CYP20A1: variants seen among roughly 807,000 people sequenced by gnomAD.
CYP20A1 encodes cytochrome P450 20A1.
CYP20A1 carries 61 observed loss-of-function variants against 61.4 expected under a neutral mutation model. That is an observed-to-expected ratio of 0.99 (90% CI 0.81 to 1.23). The LOEUF (loss-of-function observed/expected upper bound fraction) is 1.23. Among genes scored for constraint, CYP20A1 ranks in the 50% most tolerant of loss-of-function variants. The probability of loss-of-function intolerance (pLI) is 0.00; values close to 1 mark genes in which losing one functional copy is unlikely to be tolerated. For missense variants in CYP20A1, 530 were observed against 542.4 expected (o/e 0.98, Z 0.23); for synonymous variants, 193 against 188.2 (o/e 1.03, Z -0.21).
At chr2:203,282,688 G>GT (rs1029816719) in intron 8 of CYP20A1, among the ~76,000 whole-genome samples, 2 of 151,990 alleles carry the variant, frequency 1.3e-5, no homozygotes, top group African/African-American at 4.8e-5. Flanking sequence ...TAGGTTAGTG[G>GT]TTTTTTAAGT....
chr2:203,298,038 A>G lies in CYP20A1; in HGVS notation c.*1130A>G, dbSNP rs187248498. ...CAAAAGACATGAACAAACAGCTTTT[A>G]TAGGATAGTATGGCTAACAAACTTT... On this transcript the variant is annotated 3_prime_UTR_variant, in exon 13 of 13. Transcript: ENST00000356079. 6.6e-6 allele frequency: 1 copy of G among 152,354 alleles called. No homozygotes were observed. Among genetic ancestry groups the G allele is most frequent in the African/African-American group, 2.4e-5 (1 of 41,528 alleles). 9.4% of individuals were successfully genotyped at this position (152,354 alleles called of 1,614,324 possible).
intron 6 of CYP20A1, among the ~76,000 whole-genome samples, chr2:203,277,354 A>AAAAAG (rs61605327): frequency 0.89 from 130,755 of 147,736 alleles, 58,828 homozygotes; most frequent in Non-Finnish European, 0.96. Context: ...TCTCAAAAAA[A>AAAAAG]AAAAGAAAAA....
chr2:203,243,421 C>T (rs1413659304), intron 1 of CYP20A1, among the ~76,000 whole-genome samples: 14 of 151,548 alleles, frequency 9.2e-5, no homozygotes, highest in African/African-American at 3.4e-4. Flanking sequence ...GACAGAGTCT[C>T]GCTCTGTCTC....
chr2:203,246,072 C>T (rs1362710106), intron 2 of CYP20A1, among the ~76,000 whole-genome samples, 177 bp downstream of exon 2: 1 of 152,100 alleles, frequency 6.6e-6, no homozygotes, highest in African/African-American at 2.4e-5. Flanking sequence ...TGCCACTGCA[C>T]TCCAGCCTAG....
chr2:203,300,889 C>CCA lies in CYP20A1; in HGVS notation c.*3981_*3982insCA. ...GGGCAATAAGAGCAAAACTCCGTCT[C>CCA]AGAAAAAAAAAAAAAAAAAAAAAAC... On this transcript the variant is annotated 3_prime_UTR_variant, in exon 13 of 13. Coordinates refer to ENST00000356079, the MANE Select transcript of CYP20A1 (RefSeq NM_177538.3). Among the ~76,000 whole-genome samples, 1 of 64,770 alleles carries CCA rather than the reference C, an allele frequency of 1.5e-5. No individual in the cohort carries two copies. Among genetic ancestry groups the CCA allele is most frequent in the East Asian group, 5.1e-4 (1 of 1,962 alleles). The allele number at this position is 64,770 out of a possible 152,430, so 42.5% of individuals were successfully genotyped here.
intron 6 of CYP20A1, among the ~76,000 whole-genome samples, chr2:203,274,461 C>G (rs1429816066): frequency 1.3e-5 from 2 of 152,144 alleles, no homozygotes; most frequent in African/African-American, 4.8e-5. Context: ...GCTGGGATTA[C>G]AGGTGTGAGC....
intron 1 of CYP20A1, among the ~76,000 whole-genome samples, chr2:203,240,769 AAGTC>A (rs1408958415): frequency 3.3e-5 from 5 of 152,178 alleles, no homozygotes; most frequent in African/African-American, 4.8e-5. Flanking sequence ...AGAGGAGAGA[AAGTC>A]AGAAAGATGG....
In CYP20A1 at chr2:203,300,778, A is replaced by G. The variant is rs550523407; in HGVS notation, c.*3870A>G. Among the ~76,000 whole-genome samples, 95 of 151,566 alleles carry G rather than the reference A, an allele frequency of 6.3e-4. No homozygotes were observed. The highest frequency in any genetic ancestry group is 2.2e-3 in the African/African-American group (92 of 41,274). ...ATGGAGCATCCCTGTAATCCTAGCT[A>G]CTTGAGACGCTGAGGCAGGAAAATT... On this transcript the variant is annotated 3_prime_UTR_variant, in exon 13 of 13. Coordinates refer to ENST00000356079, the MANE Select transcript of CYP20A1 (RefSeq NM_177538.3).
At chr2:203,283,080 G>A (rs1010901789) in intron 8 of CYP20A1, among the ~76,000 whole-genome samples, 1 of 151,900 alleles carries the variant, frequency 6.6e-6, no homozygotes, top group Non-Finnish European at 1.5e-5. Context: ...GGAAGCTGAG[G>A]TGGGAGGATC....
chr2:203,285,801 A>C, intron 9 of CYP20A1, 69 bp downstream of exon 9: 1 of 1,351,678 alleles, frequency 7.4e-7, no homozygotes, highest in Non-Finnish European at 9.8e-7. Context: ...ATTTAAAGCT[A>C]TTGTTGCTAT....
chr2:203,259,594 C>G (rs960150932), intron 4 of CYP20A1: 1 of 152,054 alleles, frequency 6.6e-6, no homozygotes, highest in African/African-American at 2.4e-5. Context: ...TTATAAATTA[C>G]CCAGTCGCAG....
chr2:203,248,618 A>G (rs2066547358), intron 3 of CYP20A1, among the ~76,000 whole-genome samples: 1 of 152,212 alleles, frequency 6.6e-6, no homozygotes, highest in African/African-American at 2.4e-5. Flanking sequence ...CCAAATATGT[A>G]TGATAAAGAT....
intron 4 of CYP20A1, among the ~76,000 whole-genome samples, chr2:203,261,174 G>A (rs1037751125): frequency 1.3e-5 from 2 of 151,416 alleles, no homozygotes; most frequent in African/African-American, 2.4e-5. Flanking sequence ...TTCAAGACCC[G>A]CCTGGGCAAC....
At chr2:203,260,777 G>A (rs2067104437) in intron 4 of CYP20A1, among the ~76,000 whole-genome samples, 1 of 152,060 alleles carries the variant, frequency 6.6e-6, no homozygotes, top group Non-Finnish European at 1.5e-5. Flanking sequence ...TCTGTCCTTG[G>A]CCTCCCAAAG....
chr2:203,247,315 C>A (rs943647606), intron 3 of CYP20A1, among the ~76,000 whole-genome samples: 10 of 152,042 alleles, frequency 6.6e-5, no homozygotes, highest in African/African-American at 1.9e-4. Context: ...ATATATTGTT[C>A]TTGGATAGGA....
intron 5 of CYP20A1, among the ~76,000 whole-genome samples, chr2:203,269,396 C>T (rs2067467361): frequency 6.6e-6 from 1 of 151,218 alleles, no homozygotes; most frequent in Non-Finnish European, 1.5e-5. Flanking sequence ...CACACCACCG[C>T]ACTCCAGCCT....
rs921266716 is a variant in CYP20A1, at chr2:203,303,736, C to T, written c.*6828C>T. 1.3e-5 allele frequency among the ~76,000 whole-genome samples: 2 copies of T among 151,782 alleles called. No homozygotes were observed. Among genetic ancestry groups the T allele is most frequent in the African/African-American group, 2.4e-5 (1 of 41,324 alleles). On this transcript the variant is annotated 3_prime_UTR_variant, in exon 13 of 13. Transcript: ENST00000356079. ...AAAAGAAAAAGAAAACTTAACTGGC[C>T]TTTGGGGCACATGCCTGTAATCCCA...
chr2:203,275,520 A>T (rs1559099923), intron 6 of CYP20A1, among the ~76,000 whole-genome samples: 1 of 151,704 alleles, frequency 6.6e-6, no homozygotes, highest in Admixed American at 6.6e-5. Context: ...GCTCACTGCA[A>T]CCTCTGCCTC....
chr2:203,252,189 C>A, intron 4 of CYP20A1, 80 bp downstream of exon 4: 8 of 1,041,050 alleles, frequency 7.7e-6, no homozygotes, highest in East Asian at 3.0e-5. Flanking sequence ...TGTGTACTAT[C>A]TTTGTTACTC....
Sources: gnomAD v4.1 joint callset for allele counts (sites outside exome capture counted in the v4.1 genomes callset) on GRCh38, gnomAD v4.1.1 for gene constraint, MANE v1.5 for transcripts, NCBI Gene and HGNC (gene_info 2026-07-23, HGNC 2026-07-21) for gene names.